Variants in PRDM5 observed in about 807,000 individuals in gnomAD.
PRDM5 encodes PR/SET domain 5.
Under a neutral mutation model 81.2 loss-of-function variants are expected in PRDM5, and 56 were observed. That is an observed-to-expected ratio of 0.69 (90% CI 0.56 to 0.86). PRDM5 has a LOEUF of 0.86. Among genes scored for constraint, PRDM5 ranks in the 40% least tolerant of loss-of-function variants. PRDM5 has a pLI of 0.00. For synonymous variants in PRDM5, 267 were observed against 256.4 expected, an observed-to-expected ratio of 1.04 and a Z score of -0.39; for missense variants, 697 against 770.1, an observed-to-expected ratio of 0.91 and a Z score of 1.12.
At chr4:120,863,824 G>A (rs1400015948) in intron 2 of PRDM5, among the ~76,000 whole-genome samples, 1 of 152,274 alleles carries the variant, frequency 6.6e-6, no homozygotes, top group Non-Finnish European at 1.5e-5. Context: ...TGAAAGAATG[G>A]TAAAGTAACT....
chr4:120,839,310 G>A, intron 3 of PRDM5: 1 of 702,976 alleles, frequency 1.4e-6, no homozygotes, highest in Non-Finnish European at 2.6e-6. Context: ...CAAACAAGTA[G>A]AAGGTAAGCA....
At chr4:120,874,120 C>A (rs986139029) in intron 2 of PRDM5, among the ~76,000 whole-genome samples, 1 of 152,056 alleles carries the variant, frequency 6.6e-6, no homozygotes, top group Non-Finnish European at 1.5e-5. Context: ...ATTCAAAATG[C>A]GCCCTTCTAG....
chr4:120,829,403 A>G (rs1756438843), intron 3 of PRDM5, among the ~76,000 whole-genome samples: 1 of 152,026 alleles, frequency 6.6e-6, no homozygotes, highest in African/African-American at 2.4e-5. Context: ...TTATGTGTAC[A>G]CCTCAACCTT....
chr4:120,884,409 C>T (rs1037167170), intron 2 of PRDM5, among the ~76,000 whole-genome samples: 1 of 147,202 alleles, frequency 6.8e-6, no homozygotes. Flanking sequence ...GCTTTAACCC[C>T]TAAAAATGCA....
At chr4:120,817,874 C>T (rs1362530815) in intron 5 of PRDM5, among the ~76,000 whole-genome samples, 1 of 152,096 alleles carries the variant, frequency 6.6e-6, no homozygotes, top group Non-Finnish European at 1.5e-5. Flanking sequence ...TTAAATTATT[C>T]CTCCAAAGTT....
At chr4:120,697,711 A>T (rs1230692770) in intron 15 of PRDM5, among the ~76,000 whole-genome samples, 1 of 109,802 alleles carries the variant, frequency 9.1e-6, no homozygotes, top group Non-Finnish European at 1.8e-5. Context: ...TACCTATGAG[A>T]TTTTACCATG....
chr4:120,886,572 G>T (rs994952147), intron 2 of PRDM5, among the ~76,000 whole-genome samples: 1 of 152,120 alleles, frequency 6.6e-6, no homozygotes, highest in African/African-American at 2.4e-5. Flanking sequence ...AAATACTAAG[G>T]AAGTTAATCA....
chr4:120,769,898 A>G (rs1746986844), intron 13 of PRDM5, among the ~76,000 whole-genome samples: 1 of 152,198 alleles, frequency 6.6e-6, no homozygotes, highest in Non-Finnish European at 1.5e-5. Context: ...TCTGGTGGAG[A>G]TGTGCACAAG....
intron 2 of PRDM5, among the ~76,000 whole-genome samples, chr4:120,861,849 A>G (rs910471740): frequency 1.3e-5 from 2 of 152,130 alleles, no homozygotes; most frequent in African/African-American, 4.8e-5. Flanking sequence ...GTATCTGAAA[A>G]CTTCTGTGCA....
intron 15 of PRDM5, among the ~76,000 whole-genome samples, chr4:120,696,686 A>G (rs10012771): frequency 0.074 from 11,285 of 152,018 alleles, 868 homozygotes; most frequent in African/African-American, 0.17. Context: ...CAGACACTCA[A>G]TAAATGTCAG....
intron 3 of PRDM5, among the ~76,000 whole-genome samples, chr4:120,832,909 C>G (rs561290097): frequency 6.6e-6 from 1 of 152,098 alleles, no homozygotes; most frequent in Non-Finnish European, 1.5e-5. Context: ...AGAGAACCAG[C>G]ATTGTGCCAA....
chr4:120,916,473 T>C (rs1177677794), intron 1 of PRDM5, among the ~76,000 whole-genome samples: 3 of 152,150 alleles, frequency 2.0e-5, no homozygotes, highest in African/African-American at 7.2e-5. Flanking sequence ...AGACAATTTG[T>C]CTTCATTTTA....
chr4:120,795,186 A>C (rs906120261), intron 10 of PRDM5, among the ~76,000 whole-genome samples: 31 of 152,300 alleles, frequency 2.0e-4, no homozygotes, highest in South Asian at 4.1e-4. Context: ...TAAATTCATG[A>C]GGGCAAAACC....
Position 120,692,491 on chromosome 4 carries a change from A to G in PRDM5, c.*2620T>C, listed in dbSNP as rs1369325291. 1 of 152,152 alleles carries G rather than the reference A, an allele frequency of 6.6e-6. No homozygotes were observed. Among genetic ancestry groups the G allele is most frequent in the East Asian group, 1.9e-4 (1 of 5,204 alleles). The allele number at this position is 152,152 out of a possible 1,614,324, so 9.4% of individuals were successfully genotyped here. On this transcript the variant is annotated 3_prime_UTR_variant, in exon 16 of 16. Transcript: ENST00000264808. ...TTATAATTTACCAATAAATGCCTCT[A>G]TATAGCCAACAACACACCATGAAAA... is the stretch of plus-strand genomic sequence containing the variant.
intron 2 of PRDM5, among the ~76,000 whole-genome samples, chr4:120,878,913 C>A (rs1479349621): frequency 6.6e-6 from 1 of 152,160 alleles, no homozygotes; most frequent in Admixed American, 6.5e-5. Context: ...CATGGGGCAA[C>A]AGGAACTCTC....
intron 8 of PRDM5, among the ~76,000 whole-genome samples, chr4:120,804,046 C>T (rs1752534693): frequency 6.6e-6 from 1 of 152,084 alleles, no homozygotes; most frequent in South Asian, 2.1e-4. Flanking sequence ...GGCAGGGTTG[C>T]AATCCTAGTC....
chr4:120,742,165 G>A (rs886931549), intron 14 of PRDM5, among the ~76,000 whole-genome samples: 2 of 152,198 alleles, frequency 1.3e-5, no homozygotes, highest in African/African-American at 4.8e-5. Flanking sequence ...TCCAGCAGGG[G>A]CACACTAACA....
intron 14 of PRDM5, among the ~76,000 whole-genome samples, chr4:120,721,793 G>A (rs1214043197): frequency 5.3e-5 from 8 of 152,328 alleles, no homozygotes; most frequent in East Asian, 3.9e-4. Flanking sequence ...AGTCTACAGC[G>A]CAGGTGTAGA....
chr4:120,694,390 A>G lies in PRDM5; in HGVS notation c.*721T>C, dbSNP rs1409825744. On this transcript the variant is annotated 3_prime_UTR_variant, in exon 16 of 16. Transcript: ENST00000264808. ...TGATGGTCATTTTTGTGTAGAACTT[A>G]TAAAAGTATTCCAGACCATGAATGT... is the stretch of plus-strand genomic sequence containing the variant. The G allele has an allele frequency of 6.6e-6, 1 of 152,164 alleles. No individual in the cohort carries two copies. The highest frequency in any genetic ancestry group is 1.5e-5 in the Non-Finnish European group (1 of 68,016). 9.4% of individuals were successfully genotyped at this position (152,164 alleles called of 1,614,324 possible).
Sources: gnomAD v4.1 joint callset for allele counts (sites outside exome capture counted in the v4.1 genomes callset) on GRCh38, gnomAD v4.1.1 for gene constraint, MANE v1.5 for transcripts, NCBI Gene and HGNC (gene_info 2026-07-23, HGNC 2026-07-21) for gene names.